Variants in SIPA1L2 observed in about 807,000 individuals in gnomAD.
SIPA1L2 encodes signal induced proliferation associated 1 like 2, also known as signal-induced proliferation-associated 1-like protein 2.
In SIPA1L2, 56 loss-of-function variants were observed where a neutral mutation model predicts 163.9. The ratio of observed to expected loss-of-function variants is 0.34; its 90% CI spans 0.28 to 0.43. SIPA1L2 has a LOEUF of 0.43. Ranked by LOEUF, SIPA1L2 falls within the 20% of genes least tolerant of loss-of-function variation. The pLI is 1.00. For missense variants in SIPA1L2, 1,974 were observed against 2,193.5 expected, an observed-to-expected ratio of 0.90 and a Z score of 2.00; for synonymous variants, 877 against 865.7, an observed-to-expected ratio of 1.01 and a Z score of -0.23.
intron 8 of SIPA1L2, 95 bp downstream of exon 8, chr1:232,471,276 T>C: frequency 7.5e-7 from 1 of 1,330,148 alleles, no homozygotes; most frequent in Non-Finnish European, 1.0e-6. Flanking sequence ...ATCACAAAGT[T>C]GCAAATAATA....
intron 1 of SIPA1L2, among the ~76,000 whole-genome samples, chr1:232,607,104 G>A (rs1237216694): frequency 1.3e-5 from 2 of 151,994 alleles, no homozygotes; most frequent in African/African-American, 4.8e-5. Context: ...TATTTTAACA[G>A]CATGTTTTTT....
chr1:232,527,221 G>A (rs994805138), intron 2 of SIPA1L2, among the ~76,000 whole-genome samples: 1 of 152,186 alleles, frequency 6.6e-6, no homozygotes, highest in African/African-American at 2.4e-5. Flanking sequence ...GCAGAAAAGA[G>A]GACAGGAGCA....
intron 18 of SIPA1L2, among the ~76,000 whole-genome samples, chr1:232,420,728 G>A (rs1466230875): frequency 6.6e-6 from 1 of 152,124 alleles, no homozygotes; most frequent in Non-Finnish European, 1.5e-5. Flanking sequence ...CCAGCTACTC[G>A]GGGGGCTGAG....
At chr1:232,408,075 T>C (rs1270500248) in intron 19 of SIPA1L2, among the ~76,000 whole-genome samples, 1 of 152,202 alleles carries the variant, frequency 6.6e-6, no homozygotes, top group Non-Finnish European at 1.5e-5. Flanking sequence ...GTGGCAAAAC[T>C]ATGATCTTAT....
rs367595025 is a variant in SIPA1L2 at position 232,445,679 on chromosome 1, C to T, written c.3203G>A (p.Arg1068Gln). The part of the protein sequence containing the change: ...TPFRRNTTWH[R>Q]VPTPALQPLS... ...GGGCTGCAGGGCAGGAGTGGGCACC[C>T]GGTGCCACGTGGTGTTCCTCCTGAA... The change falls in exon 11 of 23, where the codon CGG (arginine) becomes CAG (glutamine). Residue 1068 changes from arginine to glutamine, a missense_variant. Arg to Gln is a conservative substitution (Grantham distance 43). This residue lies in a region of SIPA1L2 where 1,079 missense variants were observed against 1,150.7 expected (regional missense o/e 0.94). Coordinates refer to ENST00000674635, the MANE Select transcript of SIPA1L2 (RefSeq NM_020808.5). The T allele has an allele frequency of 1.5e-4, 239 of 1,613,148 alleles. No homozygotes were observed. The highest frequency in any genetic ancestry group is 1.8e-4 in the Non-Finnish European group (210 of 1,179,610).
intron 7 of SIPA1L2, among the ~76,000 whole-genome samples, chr1:232,472,023 A>G (rs1021352946): frequency 6.6e-6 from 1 of 152,238 alleles, no homozygotes; most frequent in Admixed American, 6.5e-5. Context: ...GCAATAATAC[A>G]AACCAATTAA....
chr1:232,589,536 T>C (rs1279981752), intron 1 of SIPA1L2, among the ~76,000 whole-genome samples: 3 of 152,250 alleles, frequency 2.0e-5, no homozygotes, highest in African/African-American at 7.2e-5. Context: ...ACTTCTCTTG[T>C]ACCCTTTGGA....
intron 2 of SIPA1L2, among the ~76,000 whole-genome samples, chr1:232,566,412 G>A (rs2247872): frequency 0.39 from 59,256 of 152,058 alleles, 12,645 homozygotes; most frequent in East Asian, 0.56. Context: ...AATAAACCAT[G>A]CATACTGAGA....
chr1:232,601,770 C>T (rs1448406676), intron 1 of SIPA1L2, among the ~76,000 whole-genome samples: 1 of 152,146 alleles, frequency 6.6e-6, no homozygotes, highest in Non-Finnish European at 1.5e-5. Context: ...GTATTCTTTA[C>T]AGTACATTTT....
intron 1 of SIPA1L2, among the ~76,000 whole-genome samples, chr1:232,581,151 C>T (rs1660349865): frequency 6.6e-6 from 1 of 152,160 alleles, no homozygotes; most frequent in Non-Finnish European, 1.5e-5. Flanking sequence ...TCCTCGTGTC[C>T]CTTTCCCACA....
chr1:232,561,675 A>G (rs571377120), intron 2 of SIPA1L2: 1 of 152,360 alleles, frequency 6.6e-6, no homozygotes, highest in South Asian at 2.1e-4. Flanking sequence ...AGCAGAGTAC[A>G]TGCTCTTTTA....
chr1:232,558,362 A>G (rs1658837882), intron 2 of SIPA1L2, among the ~76,000 whole-genome samples: 1 of 152,108 alleles, frequency 6.6e-6, no homozygotes, highest in Non-Finnish European at 1.5e-5. Flanking sequence ...TGAAGCCATA[A>G]TTGTTCAACT....
chr1:232,445,411 C>T, intron 11 of SIPA1L2, 118 bp downstream of exon 11: 7 of 1,460,580 alleles, frequency 4.8e-6, no homozygotes, highest in Non-Finnish European at 6.5e-6. Flanking sequence ...ACCCTGCTTG[C>T]CAACTTGCTG....
At chr1:232,572,971 G>A (rs1307737169) in intron 2 of SIPA1L2, among the ~76,000 whole-genome samples, 2 of 151,522 alleles carry the variant, frequency 1.3e-5, no homozygotes, top group African/African-American at 4.9e-5. Flanking sequence ...AGTAGAGACG[G>A]GGTTTCTCCA....
chr1:232,543,959 GA>G lies in SIPA1L2; in HGVS notation c.-269-28352del, dbSNP rs1377039425. The stretch of plus-strand genomic sequence containing the variant: ...GTAAGCCATTAGTAAATTTTGGAGG[GA>G]GGGGGTTGGTGCCCCTAACTCTCAC... On this transcript the variant is annotated intron_variant, in intron 2 of 22. Coordinates refer to ENST00000674635, the MANE Select transcript of SIPA1L2 (RefSeq NM_020808.5). Among the ~76,000 whole-genome samples, 4 of 152,196 alleles carry G rather than the reference GA, an allele frequency of 2.6e-5. No homozygotes were observed. In the East Asian group the frequency reaches 7.7e-4, roughly 29 times the overall value.
intron 10 of SIPA1L2, among the ~76,000 whole-genome samples, chr1:232,450,042 T>A (rs923678466): frequency 2.8e-4 from 42 of 152,206 alleles, no homozygotes; most frequent in Non-Finnish European, 5.0e-4. Flanking sequence ...TAGAGTAGAG[T>A]GGACTGAATA....
At chr1:232,583,789 C>G (rs142874068) in intron 1 of SIPA1L2, among the ~76,000 whole-genome samples, 28 of 152,260 alleles carry the variant, frequency 1.8e-4, no homozygotes, top group Non-Finnish European at 3.7e-4. Context: ...AAACTGATAA[C>G]TCTGCTAATA....
chr1:232,421,994 T>A (rs965519055), intron 18 of SIPA1L2, among the ~76,000 whole-genome samples: 8 of 152,190 alleles, frequency 5.3e-5, no homozygotes, highest in Admixed American at 2.6e-4. Context: ...ATGCTTGGGA[T>A]TGTGCTGAAT....
intron 2 of SIPA1L2, among the ~76,000 whole-genome samples, chr1:232,569,723 G>A (rs1285921475): frequency 6.6e-6 from 1 of 152,242 alleles, no homozygotes; most frequent in East Asian, 1.9e-4. Context: ...TGAGGCAGGA[G>A]AACCGCTTGA....
Sources: allele counts gnomAD v4.1 joint callset (sites outside exome capture counted in the v4.1 genomes callset), GRCh38; gene constraint gnomAD v4.1.1; regional missense constraint gnomAD v4.1.1; transcripts MANE v1.5; gene names NCBI Gene and HGNC (gene_info 2026-07-23, HGNC 2026-07-21).